Variants in DPYD observed in about 807,000 individuals in gnomAD.
The protein encoded by DPYD is dihydropyrimidine dehydrogenase.
A neutral mutation model predicts 116.2 loss-of-function variants in DPYD; 109 were observed. That is an observed-to-expected ratio of 0.94 (90% CI 0.80 to 1.10). DPYD has a LOEUF of 1.10. DPYD is among the 50% of genes least tolerant of loss of function. The probability of loss-of-function intolerance (pLI) is 0.00; values close to 1 mark genes in which losing one functional copy is unlikely to be tolerated. For synonymous variants in DPYD, 440 were observed against 432.0 expected, an observed-to-expected ratio of 1.02 and a Z score of -0.23; for missense variants, 1,302 against 1,254.5, an observed-to-expected ratio of 1.04 and a Z score of -0.57.
intron 21 of DPYD, among the ~76,000 whole-genome samples, chr1:97,091,713 T>C (rs927295888): frequency 3.3e-5 from 5 of 152,150 alleles, no homozygotes; most frequent in Admixed American, 6.5e-5. Flanking sequence ...TTCACACATA[T>C]CTTTTCATTT....
intron 8 of DPYD, among the ~76,000 whole-genome samples, chr1:97,677,772 AT>A (rs1660224210): frequency 6.6e-6 from 1 of 152,154 alleles, no homozygotes; most frequent in African/African-American, 2.4e-5. Flanking sequence ...TTTTGCCTAA[AT>A]AAAGGGGCTG....
At position 97,590,906 on chromosome 1, in the gene DPYD, C is replaced by T. The variant is rs530511547; in HGVS notation, c.1128+2312G>A. Among the ~76,000 whole-genome samples the T allele has an allele frequency of 2.6e-5, 4 of 152,318 alleles. No homozygotes were observed. The East Asian group carries it at 7.7e-4, about 29-fold the overall frequency. ...TTTTAAAATTTAAATCAGAGCTTGG[C>T]ACTTCTCTGTTCAAAGCAGCCCAGT... On this transcript the variant is annotated intron_variant, in intron 10 of 22. Coordinates refer to ENST00000370192, the MANE Select transcript of DPYD (RefSeq NM_000110.4).
intron 21 of DPYD, among the ~76,000 whole-genome samples, chr1:97,082,711 A>G (rs1416103956): frequency 6.6e-6 from 1 of 152,100 alleles, no homozygotes. Flanking sequence ...AACTGCATTC[A>G]ATAGGTTTTT....
At chr1:97,666,977 T>C (rs1557871204) in intron 8 of DPYD, among the ~76,000 whole-genome samples, 1 of 152,230 alleles carries the variant, frequency 6.6e-6, no homozygotes, top group Admixed American at 6.5e-5. Flanking sequence ...TGGTGCATCA[T>C]CTGCTGAGCA....
intron 18 of DPYD, among the ~76,000 whole-genome samples, chr1:97,290,382 A>G (rs76725455): frequency 6.6e-6 from 1 of 152,192 alleles, no homozygotes; most frequent in South Asian, 2.1e-4. Flanking sequence ...CGCCAAGTCA[A>G]TCCTAAGCCA....
chr1:97,508,595 T>C (rs558335299), intron 13 of DPYD, among the ~76,000 whole-genome samples: 1 of 152,026 alleles, frequency 6.6e-6, no homozygotes, highest in Non-Finnish European at 1.5e-5. Flanking sequence ...GTCCTCAGTG[T>C]AAATGCTCAG....
chr1:97,130,077 C>T (rs1653158658), intron 20 of DPYD, among the ~76,000 whole-genome samples: 1 of 151,994 alleles, frequency 6.6e-6, no homozygotes, highest in South Asian at 2.1e-4. Flanking sequence ...TCATGTTGTC[C>T]ACCACCGAGT....
intron 13 of DPYD, among the ~76,000 whole-genome samples, chr1:97,489,290 G>C (rs1302602756): frequency 6.6e-6 from 1 of 152,104 alleles, no homozygotes; most frequent in Non-Finnish European, 1.5e-5. Flanking sequence ...TTCCTACCTT[G>C]AAGTTAAGGC....
intron 3 of DPYD, among the ~76,000 whole-genome samples, chr1:97,818,688 A>T (rs1668762360): frequency 6.6e-6 from 1 of 151,956 alleles, no homozygotes; most frequent in Admixed American, 6.6e-5. Flanking sequence ...GCTTTCACTC[A>T]CTCCTAAAGT....
intron 13 of DPYD, among the ~76,000 whole-genome samples, chr1:97,471,692 G>A (rs953561235): frequency 6.6e-6 from 1 of 151,594 alleles, no homozygotes; most frequent in Non-Finnish European, 1.5e-5. Flanking sequence ...GGGTCCAAGC[G>A]ATTCTCCTGC....
chr1:97,899,859 C>G (rs1673274528), intron 1 of DPYD, among the ~76,000 whole-genome samples: 2 of 151,932 alleles, frequency 1.3e-5, no homozygotes, highest in South Asian at 4.1e-4. Context: ...CAGAATATCT[C>G]AGATTTCCCT....
intron 14 of DPYD, among the ~76,000 whole-genome samples, chr1:97,408,669 C>T (rs76386430): frequency 0.11 from 15,967 of 152,050 alleles, 1,072 homozygotes; most frequent in South Asian, 0.26. Context: ...CTAATTGTGT[C>T]TGTGAGGATG....
chr1:97,095,616 CTGTG>C (rs5776347), intron 21 of DPYD, among the ~76,000 whole-genome samples: 67,700 of 150,974 alleles, frequency 0.45, 16,669 homozygotes, highest in East Asian at 0.97. Flanking sequence ...ATTAAAGCTT[CTGTG>C]TGTGTATGTA....
intron 8 of DPYD, among the ~76,000 whole-genome samples, chr1:97,665,736 T>C (rs1659521117): frequency 6.6e-6 from 1 of 152,342 alleles, no homozygotes; most frequent in African/African-American, 2.4e-5. Flanking sequence ...CAAATTTTGC[T>C]ACATAACAAA....
intron 2 of DPYD, among the ~76,000 whole-genome samples, chr1:97,831,992 A>G (rs949453612): frequency 1.3e-5 from 2 of 151,364 alleles, no homozygotes; most frequent in African/African-American, 4.9e-5. Flanking sequence ...GAAAATTCGG[A>G]ACAATTTGTA....
intron 16 of DPYD, among the ~76,000 whole-genome samples, chr1:97,313,395 C>A (rs1667627624): frequency 6.6e-6 from 1 of 151,638 alleles, no homozygotes; most frequent in African/African-American, 2.4e-5. Context: ...AAACATAAAG[C>A]AAAATACTTT....
At chr1:97,215,228 C>T (rs1221727758) in intron 19 of DPYD, among the ~76,000 whole-genome samples, 2 of 152,272 alleles carry the variant, frequency 1.3e-5, no homozygotes, top group Admixed American at 6.5e-5. Context: ...AATGTTCACA[C>T]GTCTAGTAAG....
intron 14 of DPYD, among the ~76,000 whole-genome samples, chr1:97,407,415 T>C (rs1673723573): frequency 6.6e-6 from 1 of 152,190 alleles, no homozygotes; most frequent in African/African-American, 2.4e-5. Context: ...GTTTAATGCA[T>C]GTTCAATTAG....
At chr1:97,818,918 C>T (rs1356609136) in intron 3 of DPYD, among the ~76,000 whole-genome samples, 40 of 152,004 alleles carry the variant, frequency 2.6e-4, no homozygotes, top group Non-Finnish European at 4.4e-5. Flanking sequence ...ATTCATATTA[C>T]TCAAGGTACA....
Sources: allele counts gnomAD v4.1 joint callset (sites outside exome capture counted in the v4.1 genomes callset), GRCh38; gene constraint gnomAD v4.1.1; transcripts MANE v1.5; gene names NCBI Gene and HGNC (gene_info 2026-07-23, HGNC 2026-07-21).